NBAS: variants seen among roughly 807,000 people sequenced by gnomAD.
The protein encoded by NBAS is NAG/BC035112 fusion.
In NBAS, 219 loss-of-function variants were observed where a neutral mutation model predicts 302.5. The observed-to-expected ratio is 0.72, with a 90% CI of 0.65 to 0.81. The LOEUF is 0.81. Ranked by LOEUF, NBAS falls within the 30% of genes least tolerant of loss-of-function variation. The pLI, the probability that NBAS is intolerant of heterozygous loss-of-function variation, is 0.00. For synonymous variants in NBAS, 1,118 were observed against 1,021.6 expected (o/e 1.09, Z -1.80); for missense variants, 2,932 against 2,841.6 (o/e 1.03, Z -0.72).
At chr2:15,469,138 T>G (rs550016614) in intron 16 of NBAS, among the ~76,000 whole-genome samples, 2 of 152,322 alleles carry the variant, frequency 1.3e-5, no homozygotes, top group Non-Finnish European at 2.9e-5. Flanking sequence ...TTTGTTGATC[T>G]TTTCAAAAAA....
chr2:14,856,430 A>G, the NBAS span, among the ~76,000 whole-genome samples: 2 of 152,194 alleles, frequency 1.3e-5, no homozygotes, highest in Non-Finnish European at 2.9e-5. Flanking sequence ...CAGGAAAACA[A>G]AACACTGTAC....
the NBAS span, among the ~76,000 whole-genome samples, chr2:14,899,022 C>T: frequency 1.3e-5 from 2 of 152,276 alleles, no homozygotes; most frequent in South Asian, 4.1e-4. Context: ...GGAAGCTCCA[C>T]CTGGAAACTA....
the NBAS span, among the ~76,000 whole-genome samples, chr2:14,848,830 C>G: frequency 6.6e-6 from 1 of 150,828 alleles, no homozygotes; most frequent in Non-Finnish European, 1.5e-5. Flanking sequence ...ACACCTCACA[C>G]GGCAGGGTAT....
At chr2:15,425,234 A>G (rs1677412334) in intron 22 of NBAS, among the ~76,000 whole-genome samples, 1 of 152,172 alleles carries the variant, frequency 6.6e-6, no homozygotes. Flanking sequence ...AGGGATAGTC[A>G]TTCATCTAAA....
the NBAS span, among the ~76,000 whole-genome samples, chr2:15,065,947 A>G: frequency 6.6e-6 from 1 of 152,170 alleles, no homozygotes; most frequent in African/African-American, 2.4e-5. Context: ...AAGAAGAACA[A>G]AGTTGGAGGC....
the NBAS span, among the ~76,000 whole-genome samples, chr2:15,019,046 T>TTCAAAACA: frequency 6.6e-6 from 1 of 152,208 alleles, no homozygotes; most frequent in South Asian, 2.1e-4. Context: ...AATAGTCCAG[T>TTCAAAACA]TCAAAACATG....
At chr2:14,882,087 AGCACT>A in the NBAS span, among the ~76,000 whole-genome samples, 1 of 152,192 alleles carries the variant, frequency 6.6e-6, no homozygotes, top group Non-Finnish European at 1.5e-5. Flanking sequence ...CCATTACCCT[AGCACT>A]GCCCCCAGAC....
intron 48 of NBAS, among the ~76,000 whole-genome samples, chr2:15,213,189 C>T (rs1296874571): frequency 6.6e-6 from 1 of 152,130 alleles, no homozygotes; most frequent in Non-Finnish European, 1.5e-5. Flanking sequence ...CTAAAAAGTC[C>T]AAACATTTTA....
At chr2:14,834,705 A>C in the NBAS span, among the ~76,000 whole-genome samples, 1 of 152,066 alleles carries the variant, frequency 6.6e-6, no homozygotes, top group African/African-American at 2.4e-5. Flanking sequence ...TTGTTCTTTC[A>C]TCCCTGCATC....
the NBAS span, among the ~76,000 whole-genome samples, chr2:15,048,624 C>G: frequency 4.6e-5 from 7 of 152,336 alleles, no homozygotes; most frequent in African/African-American, 1.7e-4. Context: ...TAACCAGAGA[C>G]CACCACTGAG....
At chr2:15,388,407 G>A (rs1316236534) in intron 28 of NBAS, among the ~76,000 whole-genome samples, 2 of 151,504 alleles carry the variant, frequency 1.3e-5, no homozygotes, top group Non-Finnish European at 2.9e-5. Context: ...AAAAAGAAAT[G>A]CATATTTTAA....
chr2:14,924,148 T>G, the NBAS span, among the ~76,000 whole-genome samples: 1 of 151,822 alleles, frequency 6.6e-6, no homozygotes, highest in African/African-American at 2.4e-5. Flanking sequence ...AACCGAAGAG[T>G]AAAGAGATTT....
At chr2:14,827,801 G>A in the NBAS span, among the ~76,000 whole-genome samples, 4 of 152,130 alleles carry the variant, frequency 2.6e-5, no homozygotes, top group African/African-American at 9.7e-5. Flanking sequence ...CTAGAGAGAG[G>A]GGAAGTGGGG....
At chr2:15,399,181 T>G (rs1350072413) in intron 26 of NBAS, among the ~76,000 whole-genome samples, 1 of 152,202 alleles carries the variant, frequency 6.6e-6, no homozygotes, top group East Asian at 1.9e-4. Flanking sequence ...TATTTACTTT[T>G]AAGAGTTATG....
At chr2:15,356,245 C>T in intron 33 of NBAS, 58 bp downstream of exon 33, 2 of 1,394,444 alleles carry the variant, frequency 1.4e-6, no homozygotes, top group Non-Finnish European at 2.0e-6. Flanking sequence ...CAGACCTTTT[C>T]CATTATCCAT....
the NBAS span, among the ~76,000 whole-genome samples, chr2:14,803,040 AAAAAAAATAAAAAT>A: frequency 6.6e-6 from 1 of 151,524 alleles, no homozygotes; most frequent in Non-Finnish European, 1.5e-5. Flanking sequence ...AAAGTATAAT[AAAAAAAATAAAAAT>A]AAAAAAATAA....
chr2:15,507,469 C>T (rs1332510628), intron 10 of NBAS, among the ~76,000 whole-genome samples: 1 of 152,100 alleles, frequency 6.6e-6, no homozygotes, highest in Non-Finnish European at 1.5e-5. Flanking sequence ...TATAGTTTTC[C>T]AAAATTTTGA....
the NBAS span, among the ~76,000 whole-genome samples, chr2:14,945,699 C>A: frequency 1.3e-5 from 2 of 151,860 alleles, no homozygotes; most frequent in African/African-American, 4.8e-5. Context: ...AAAAAAGAAT[C>A]AGTTAGCTTG....
At chr2:15,083,693 T>G in the NBAS span, among the ~76,000 whole-genome samples, 1 of 152,202 alleles carries the variant, frequency 6.6e-6, no homozygotes, top group Non-Finnish European at 1.5e-5. Flanking sequence ...TGTTCCAAAT[T>G]GGTATGGATA....
Sources: allele counts gnomAD v4.1 joint callset (sites outside exome capture counted in the v4.1 genomes callset), GRCh38; gene constraint gnomAD v4.1.1; transcripts MANE v1.5; gene names NCBI Gene and HGNC (gene_info 2026-07-23, HGNC 2026-07-21).